The following CLOCK variants were observed in gnomAD, a reference collection of about 807,000 sequenced individuals.
CLOCK encodes the protein clock circadian regulator.
A neutral mutation model predicts 118.4 loss-of-function variants in CLOCK; 43 were observed. That is an observed-to-expected ratio of 0.36 (90% CI 0.28 to 0.47). The LOEUF (loss-of-function observed/expected upper bound fraction) is 0.47. Ranked by LOEUF, CLOCK falls within the 20% of genes least tolerant of loss-of-function variation. CLOCK has a pLI of 1.00. For synonymous variants in CLOCK, 326 were observed against 339.2 expected (o/e 0.96, Z 0.43); for missense variants, 846 against 999.9 (o/e 0.85, Z 2.08).
At chr4:55,444,811 G>A (rs373978976) in intron 18 of CLOCK, 26 bp from the exon 19 acceptor site, 5 of 1,609,812 alleles carry the variant, frequency 3.1e-6, no homozygotes, top group East Asian at 2.2e-5. Flanking sequence ...CGGAAAAAGT[G>A]TAATATATTT....
chr4:55,453,980 G>A (rs1724701379), intron 13 of CLOCK, among the ~76,000 whole-genome samples, 156 bp from the exon 14 acceptor site: 1 of 151,844 alleles, frequency 6.6e-6, no homozygotes, highest in Non-Finnish European at 1.5e-5. Flanking sequence ...TTATTCTTTA[G>A]AGCTAGTTTA....
At chr4:55,492,461 T>C (rs1727777685) in intron 2 of CLOCK, among the ~76,000 whole-genome samples, 1 of 152,070 alleles carries the variant, frequency 6.6e-6, no homozygotes, top group Non-Finnish European at 1.5e-5. Context: ...TTGAAAATTA[T>C]GCCCTTTGAC....
chr4:55,444,808 AG>A (rs761286331), intron 18 of CLOCK, 23 bp from the exon 19 acceptor site: 1 of 1,610,972 alleles, frequency 6.2e-7, no homozygotes, highest in East Asian at 2.2e-5. Context: ...GTACGGAAAA[AG>A]TGTAATATAT....
Position 55,453,778 on chromosome 4 carries a change from A to C in CLOCK, c.1029T>G (p.Thr343=). The change falls in exon 14 of 23, where the codon ACT becomes ACG. Residue 343 remains threonine, a synonymous_variant. Transcript: ENST00000513440. ...GAAGCCAAATCCACTGTTGCCCCTTAGTCAGGAACCTATAATAACATGATT... is the reference window on the plus strand; with the variant it reads ...GAAGCCAAATCCACTGTTGCCCCTTCGTCAGGAACCTATAATAACATGATT... ...KGKSCYYRFL[T]KGQQWIWLQT... 2 of 1,609,322 alleles carry C rather than the reference A, an allele frequency of 1.2e-6. No homozygotes were observed. The highest frequency in any genetic ancestry group is 1.7e-6 in the Non-Finnish European group (2 of 1,177,254).
At position 55,442,495 on chromosome 4, in the gene CLOCK, C is replaced by G. The variant is rs1723450260; in HGVS notation, c.2042G>C (p.Ser681Thr). ...ACTCTGGGTGCTGTTTTGTGGCATACTAGATGGAATCTGGACCATGCTTCC... is the reference window on the plus strand; with the variant it reads ...ACTCTGGGTGCTGTTTTGTGGCATAGTAGATGGAATCTGGACCATGCTTCC... ...AAGSMVQIPSSMPQNSTQSAA... is the reference protein window; with the variant it reads ...AAGSMVQIPSTMPQNSTQSAA... The change falls in exon 21 of 23, where the codon AGT becomes ACT. Residue 681 changes from serine (S) to threonine (T), a missense_variant. By Grantham distance (58) the Ser-to-Thr change is moderately conservative. Around this residue, in one of 4 missense-constraint regions of CLOCK, gnomAD observed 520 missense variants for 558.0 expected, o/e 0.93. Transcript: ENST00000513440. The G allele has an allele frequency of 4.4e-6, 7 of 1,607,806 alleles. No individual in the cohort carries two copies. Among genetic ancestry groups the G allele is most frequent in the Non-Finnish European group, 5.9e-6 (7 of 1,178,906 alleles).
intron 2 of CLOCK, among the ~76,000 whole-genome samples, chr4:55,507,927 C>G (rs1156238663): frequency 3.3e-5 from 5 of 152,146 alleles, no homozygotes; most frequent in Non-Finnish European, 7.3e-5. Context: ...ACCAAGACTC[C>G]TGTTTTCAGA....
At chr4:55,500,298 T>G (rs1728350288) in intron 2 of CLOCK, among the ~76,000 whole-genome samples, 1 of 152,150 alleles carries the variant, frequency 6.6e-6, no homozygotes, top group South Asian at 2.1e-4. Context: ...GATAATTGTT[T>G]TTGTTTCTAT....
intron 1 of CLOCK, among the ~76,000 whole-genome samples, chr4:55,515,698 A>T (rs1019062102): frequency 6.6e-6 from 1 of 151,856 alleles, no homozygotes; most frequent in Non-Finnish European, 1.5e-5. Flanking sequence ...TCTAATTTTT[A>T]TTGTTTCCTT....
At chr4:55,501,875 C>T (rs1475977944) in intron 2 of CLOCK, among the ~76,000 whole-genome samples, 2 of 152,204 alleles carry the variant, frequency 1.3e-5, no homozygotes, top group South Asian at 4.1e-4. Flanking sequence ...CCTCTCCACT[C>T]TTTCGGATTA....
chr4:55,448,594 A>ACG (rs1553891178), intron 18 of CLOCK, among the ~76,000 whole-genome samples, 185 bp downstream of exon 18: 3,084 of 81,096 alleles, frequency 0.038, 51 homozygotes, highest in Non-Finnish European at 0.043. Context: ...GCGCGCGCGC[A>ACG]CGCGCGCGTG....
At chr4:55,448,941 A>G in intron 17 of CLOCK, 73 bp from the exon 18 acceptor site, 1 of 1,125,098 alleles carries the variant, frequency 8.9e-7, no homozygotes, top group African/African-American at 1.8e-5. Flanking sequence ...AGAAATATCA[A>G]TATGATATTC....
chr4:55,531,703 CAAAAAAAAA>C (rs373796432), intron 1 of CLOCK, among the ~76,000 whole-genome samples: 9 of 41,278 alleles, frequency 2.2e-4, no homozygotes, highest in South Asian at 2.4e-3. Flanking sequence ...GACTTCGTCT[CAAAAAAAAA>C]AAAAAAAAAA....
chr4:55,522,495 G>GTT (rs539425711), intron 1 of CLOCK, among the ~76,000 whole-genome samples: 14 of 147,234 alleles, frequency 9.5e-5, no homozygotes, highest in African/African-American at 3.6e-4. Flanking sequence ...GTAATAAACT[G>GTT]TTTTTTTTTA....
chr4:55,432,210 T>C lies in CLOCK; in HGVS notation c.*3205A>G, dbSNP rs1043836147. 6.6e-6 allele frequency: 1 copy of C among 152,104 alleles called. No homozygotes were observed. The highest frequency in any genetic ancestry group is 2.4e-5 in the African/African-American group (1 of 41,410). The allele number at this position is 152,104 out of a possible 1,614,324, so 9.4% of individuals were successfully genotyped here. On this transcript the variant is annotated 3_prime_UTR_variant, in exon 23 of 23. Transcript: ENST00000513440. ...GCATCTCCCATACTTTTCTCCAATA[T>C]TTTCCATTCAAAAAATGAAGTACTT...
At chr4:55,450,655 G>A (rs1724352449) in intron 15 of CLOCK, among the ~76,000 whole-genome samples, 2 of 152,066 alleles carry the variant, frequency 1.3e-5, no homozygotes, top group Admixed American at 6.5e-5. Flanking sequence ...TGTGATCCCA[G>A]CTACTCCGGC....
chr4:55,514,223 T>C lies in CLOCK; in HGVS notation c.-289-4158A>G, dbSNP rs186518812. Among the ~76,000 whole-genome samples, 381 of 152,282 alleles carry C rather than the reference T, an allele frequency of 2.5e-3. 2 individuals carry two copies. The highest frequency in any genetic ancestry group is 3.8e-3 in the Non-Finnish European group (260 of 67,978). ...AATCTTAAGTTCTAGATTCTCACCA[T>C]TACATAAAACGTTAGCTATAGTTTT... On this transcript the variant is annotated intron_variant, in intron 1 of 22. Transcript: ENST00000513440.
Position 55,444,683 on chromosome 4 carries a change from GTTC to G in CLOCK, c.1639_1641del (p.Glu547del). The G allele has an allele frequency of 1.2e-6, 2 of 1,614,054 alleles. No individual in the cohort carries two copies. Among genetic ancestry groups the G allele is most frequent in the Non-Finnish European group, 1.7e-6 (2 of 1,179,982 alleles). On this transcript the variant is annotated inframe_deletion, in exon 19 of 23. Coordinates refer to ENST00000513440, the MANE Select transcript of CLOCK (RefSeq NM_004898.4). ...TGAAGTTGTTCTTGAATTTTTCTTA[GTTC>G]TTCTTGTTGCCGATGAATATTTGCT...
intron 2 of CLOCK, among the ~76,000 whole-genome samples, chr4:55,504,200 C>T (rs1257276592): frequency 2.0e-5 from 3 of 147,404 alleles, no homozygotes; most frequent in East Asian, 4.1e-4. Flanking sequence ...GCAGGAGAAT[C>T]ACGTGAACCC....
chr4:55,448,599 C>T (rs7667193), intron 18 of CLOCK, among the ~76,000 whole-genome samples, 180 bp downstream of exon 18: 126 of 105,650 alleles, frequency 1.2e-3, no homozygotes, highest in African/African-American at 3.6e-3. Context: ...CGCGCACGCG[C>T]GCGTGTGTGT....
Sources: allele counts gnomAD v4.1 joint callset (sites outside exome capture counted in the v4.1 genomes callset), GRCh38; gene constraint gnomAD v4.1.1; regional missense constraint gnomAD v4.1.1; transcripts MANE v1.5; gene names NCBI Gene and HGNC (gene_info 2026-07-23, HGNC 2026-07-21).